MIR2052HG: variants seen among roughly 807,000 people sequenced by gnomAD.
MIR2052HG encodes the protein MIR2052 host gene.
intron 4 of MIR2052HG, chr8:74,703,735 T>C: frequency 2.3e-6 from 1 of 426,502 alleles, no homozygotes; most frequent in South Asian, 1.7e-5. Context: ...TGGATGAAAG[T>C]CAAGTGATCT....
chr8:74,725,396 T>A (rs1809623257), intron 4 of MIR2052HG, among the ~76,000 whole-genome samples: 1 of 152,222 alleles, frequency 6.6e-6, no homozygotes, highest in South Asian at 2.1e-4. Context: ...CTCACAGAAC[T>A]GGTATTGGGT....
intron 4 of MIR2052HG, among the ~76,000 whole-genome samples, chr8:74,733,073 T>C (rs1319701171): frequency 2.6e-5 from 4 of 151,500 alleles, no homozygotes; most frequent in Non-Finnish European, 5.9e-5. Context: ...TTTATTTATT[T>C]ATTTATTTAT....
At chr8:74,708,794 T>A (rs891614989) in intron 4 of MIR2052HG, among the ~76,000 whole-genome samples, 2 of 149,682 alleles carry the variant, frequency 1.3e-5, no homozygotes, top group Admixed American at 6.6e-5. Flanking sequence ...AATTTAAATT[T>A]AAAAAAAATT....
chr8:74,758,178 C>T (rs1810024129), intron 6 of MIR2052HG: 2 of 152,000 alleles, frequency 1.3e-5, no homozygotes, highest in African/African-American at 4.8e-5. Flanking sequence ...GGAATTCTGT[C>T]TCTATTGCTT....
At chr8:74,641,937 C>A (rs564538925) in intron 2 of MIR2052HG, among the ~76,000 whole-genome samples, 1 of 152,172 alleles carries the variant, frequency 6.6e-6, no homozygotes, top group African/African-American at 2.4e-5. Context: ...TGTGCAGATG[C>A]CTGGGCCCAG....
chr8:74,607,287 C>T (rs930393750), intron 1 of MIR2052HG, among the ~76,000 whole-genome samples: 1 of 152,060 alleles, frequency 6.6e-6, no homozygotes, highest in Non-Finnish European at 1.5e-5. Flanking sequence ...TGATATTAAA[C>T]ATTTAAGCAC....
At chr8:74,649,652 G>A (rs1486607754) in intron 2 of MIR2052HG, among the ~76,000 whole-genome samples, 1 of 151,508 alleles carries the variant, frequency 6.6e-6, no homozygotes, top group Non-Finnish European at 1.5e-5. Context: ...TAAATATTTT[G>A]TGTTTACAAA....
chr8:74,680,624 A>T (rs1344268556), intron 2 of MIR2052HG, among the ~76,000 whole-genome samples: 1 of 152,170 alleles, frequency 6.6e-6, no homozygotes, highest in African/African-American at 2.4e-5. Flanking sequence ...GGGACTGTAA[A>T]CTAGTTCAAC....
At chr8:74,660,209 G>T (rs995686367) in intron 2 of MIR2052HG, among the ~76,000 whole-genome samples, 3 of 152,116 alleles carry the variant, frequency 2.0e-5, no homozygotes, top group Non-Finnish European at 4.4e-5. Context: ...GCTGATTACT[G>T]ACCTTATAAA....
chr8:74,621,907 G>T (rs1269464400), intron 2 of MIR2052HG, among the ~76,000 whole-genome samples: 2 of 152,164 alleles, frequency 1.3e-5, no homozygotes, highest in Non-Finnish European at 2.9e-5. Context: ...ACTCAGAATG[G>T]ATTAGAGACT....
rs1014883307 is a variant in MIR2052HG at position 74,739,114 on chromosome 8, G to A, written n.372-13327G>A. Among the ~76,000 whole-genome samples the A allele has an allele frequency of 2.6e-5, 4 of 152,300 alleles. No homozygotes were observed. The South Asian group carries it at 8.3e-4, about 32-fold the overall frequency. ...GTCTTTATGGAAATTAGAGTAGTGT[G>A]TATTTATTTTGCTGTTACTAATAAG... On this transcript the variant is annotated intron_variant and non_coding_transcript_variant, in intron 4 of 6. Coordinates refer to ENST00000523442, the Ensembl canonical transcript of MIR2052HG.
intron 2 of MIR2052HG, among the ~76,000 whole-genome samples, chr8:74,665,902 C>G (rs1247339418): frequency 6.6e-6 from 1 of 152,154 alleles, no homozygotes; most frequent in African/African-American, 2.4e-5. Flanking sequence ...TGCACATGCT[C>G]TCTTGCCTGC....
intron 2 of MIR2052HG, among the ~76,000 whole-genome samples, chr8:74,622,317 A>T (rs929155832): frequency 6.6e-6 from 1 of 152,220 alleles, no homozygotes; most frequent in African/African-American, 2.4e-5. Context: ...ATGAAAAAAA[A>T]TGTTGGCTGG....
chr8:74,737,316 A>T (rs562376139), intron 4 of MIR2052HG, among the ~76,000 whole-genome samples: 2 of 152,214 alleles, frequency 1.3e-5, no homozygotes, highest in East Asian at 3.9e-4. Flanking sequence ...GCCAATGGGA[A>T]ACTTATGGGA....
At chr8:74,698,940 A>G (rs1809329852) in intron 2 of MIR2052HG, among the ~76,000 whole-genome samples, 1 of 152,108 alleles carries the variant, frequency 6.6e-6, no homozygotes. Flanking sequence ...AAAAGAAAGA[A>G]AAGGGTTAAG....
intron 2 of MIR2052HG, among the ~76,000 whole-genome samples, chr8:74,690,595 G>A (rs1229886852): frequency 6.6e-6 from 1 of 151,914 alleles, no homozygotes; most frequent in Non-Finnish European, 1.5e-5. Context: ...TTGCAGATCC[G>A]AGCCGAGATC....
intron 2 of MIR2052HG, among the ~76,000 whole-genome samples, chr8:74,640,866 G>A (rs1464257275): frequency 2.0e-5 from 3 of 152,156 alleles, no homozygotes; most frequent in East Asian, 3.9e-4. Flanking sequence ...TAAACTGTAC[G>A]AAAGCTCTGG....
chr8:74,606,795 G>T (rs1808117816), intron 1 of MIR2052HG, among the ~76,000 whole-genome samples: 1 of 127,570 alleles, frequency 7.8e-6, no homozygotes, highest in South Asian at 2.7e-4. Flanking sequence ...TAATAAATCT[G>T]CTCATGCACC....
intron 2 of MIR2052HG, among the ~76,000 whole-genome samples, chr8:74,671,954 C>G (rs527299956): frequency 6.6e-6 from 1 of 152,192 alleles, no homozygotes; most frequent in African/African-American, 2.4e-5. Flanking sequence ...TTCAAGATGA[C>G]TGTTACTGCA....
Sources: gnomAD v4.1 joint callset for allele counts (sites outside exome capture counted in the v4.1 genomes callset) on GRCh38, gnomAD v4.1.1 for gene constraint, MANE v1.5 for transcripts, NCBI Gene and HGNC (gene_info 2026-07-23, HGNC 2026-07-21) for gene names.